ZMAT4: variants seen among roughly 807,000 people sequenced by gnomAD.
The protein encoded by ZMAT4 is zinc finger matrin-type protein 4.
Under a neutral mutation model 28.7 loss-of-function variants are expected in ZMAT4, and 17 were observed. That is an observed-to-expected ratio of 0.59 (90% CI 0.41 to 0.89). The LOEUF (loss-of-function observed/expected upper bound fraction) is 0.89, where lower values mean the gene tolerates loss of function less well. Among genes scored for constraint, ZMAT4 ranks in the 40% least tolerant of loss-of-function variants. The probability of loss-of-function intolerance (pLI) is 0.00; values close to 1 mark genes in which losing one functional copy is unlikely to be tolerated. For missense variants in ZMAT4, 240 were observed against 283.8 expected, an observed-to-expected ratio of 0.85 and a Z score of 1.11; for synonymous variants, 117 against 109.2, an observed-to-expected ratio of 1.07 and a Z score of -0.44.
At chr8:40,881,118 C>T (rs1335827986) in intron 1 of ZMAT4, among the ~76,000 whole-genome samples, 2 of 152,132 alleles carry the variant, frequency 1.3e-5, no homozygotes, top group Non-Finnish European at 2.9e-5. Flanking sequence ...TGCTGATGCA[C>T]TGTAATCTCA....
intron 6 of ZMAT4, among the ~76,000 whole-genome samples, chr8:40,575,863 A>G (rs1482841050): frequency 6.6e-6 from 1 of 152,150 alleles, no homozygotes; most frequent in Non-Finnish European, 1.5e-5. Flanking sequence ...AAAAATATTA[A>G]GGAAATTCAG....
chr8:40,788,042 A>G lies in ZMAT4; in HGVS notation c.103-20312T>C, dbSNP rs1814158884. ...GAAAACAAAAATAGAAATACAAAAGAGAAAATCAATGAAAGCAAAAGCTGG... is the reference window on the plus strand; with the variant it reads ...GAAAACAAAAATAGAAATACAAAAGGGAAAATCAATGAAAGCAAAAGCTGG... On this transcript the variant is annotated intron_variant, in intron 2 of 6. Coordinates refer to ENST00000297737, the MANE Select transcript of ZMAT4 (RefSeq NM_024645.3). 2.0e-5 allele frequency among the ~76,000 whole-genome samples: 3 copies of G among 152,188 alleles called. No individual in the cohort carries two copies. In the South Asian group the frequency reaches 6.2e-4, roughly 32 times the overall value.
intron 1 of ZMAT4, among the ~76,000 whole-genome samples, chr8:40,858,900 C>G (rs529728385): frequency 6.6e-6 from 1 of 152,216 alleles, no homozygotes; most frequent in South Asian, 2.1e-4. Context: ...AAAAGGGGAC[C>G]CTGCAGAACA....
chr8:40,808,021 A>G (rs1365173710), intron 2 of ZMAT4, among the ~76,000 whole-genome samples: 2 of 152,244 alleles, frequency 1.3e-5, no homozygotes, highest in Admixed American at 6.5e-5. Context: ...TTCTGTGCAC[A>G]GTGACACAAT....
At chr8:40,536,911 A>G (rs1044653460) in intron 6 of ZMAT4, among the ~76,000 whole-genome samples, 7 of 152,096 alleles carry the variant, frequency 4.6e-5, no homozygotes, top group African/African-American at 1.7e-4. Context: ...GGAGAAAAAA[A>G]AAAAGAGAAG....
chr8:40,714,489 A>T (rs1473300240), intron 3 of ZMAT4, among the ~76,000 whole-genome samples: 1 of 152,210 alleles, frequency 6.6e-6, no homozygotes, highest in East Asian at 1.9e-4. Context: ...AAAATATGCC[A>T]TGGAATATGG....
rs375662350 is a variant in ZMAT4, at chr8:40,678,124, G to C, written c.350-3193C>G. On this transcript the variant is annotated intron_variant, in intron 4 of 6. Coordinates refer to ENST00000297737, the MANE Select transcript of ZMAT4 (RefSeq NM_024645.3). Reference sequence around the variant, plus strand: ...ATCTAAATATTGCCACATTTTCTTTGAAAATAACTATAAAATGAAGCTTTC... The same window carrying C: ...ATCTAAATATTGCCACATTTTCTTTCAAAATAACTATAAAATGAAGCTTTC... Among the ~76,000 whole-genome samples, 4 of 152,034 alleles carry C rather than the reference G, an allele frequency of 2.6e-5. No homozygotes were observed. In the East Asian group the frequency reaches 7.7e-4, roughly 29 times the overall value.
At chr8:40,805,553 A>T (rs4434606) in intron 2 of ZMAT4, among the ~76,000 whole-genome samples, 40,141 of 94,354 alleles carry the variant, frequency 0.43, 9,447 homozygotes, top group Middle Eastern at 0.56. Flanking sequence ...TGTCCAACAA[A>T]GATAGACTGG....
intron 1 of ZMAT4, among the ~76,000 whole-genome samples, chr8:40,885,110 C>T (rs1380412295): frequency 6.6e-6 from 1 of 152,124 alleles, no homozygotes; most frequent in East Asian, 1.9e-4. Context: ...GCTTAGAGCT[C>T]GTCTCTGAAC....
At chr8:40,823,712 T>A (rs913099420) in intron 2 of ZMAT4, among the ~76,000 whole-genome samples, 1 of 91,804 alleles carries the variant, frequency 1.1e-5, no homozygotes, top group African/African-American at 4.8e-5. Flanking sequence ...CACACGTGTG[T>A]GTGTGTGCGT....
At chr8:40,653,804 G>A (rs898656257) in intron 5 of ZMAT4, among the ~76,000 whole-genome samples, 4 of 152,126 alleles carry the variant, frequency 2.6e-5, no homozygotes, top group African/African-American at 4.8e-5. Flanking sequence ...GAGTCAGACT[G>A]GATGGCTTCA....
chr8:40,799,071 C>G (rs1586070073), intron 2 of ZMAT4, among the ~76,000 whole-genome samples: 1 of 145,676 alleles, frequency 6.9e-6, no homozygotes, highest in East Asian at 2.3e-4. Flanking sequence ...GGTTGGCTGG[C>G]TGGCTGGCTG....
chr8:40,692,180 G>T (rs139265116), intron 4 of ZMAT4, among the ~76,000 whole-genome samples: 1 of 152,106 alleles, frequency 6.6e-6, no homozygotes, highest in African/African-American at 2.4e-5. Flanking sequence ...TAATAACTGT[G>T]GTCCCTGCAG....
At chr8:40,632,136 G>C (rs1806609230) in intron 5 of ZMAT4, among the ~76,000 whole-genome samples, 1 of 152,140 alleles carries the variant, frequency 6.6e-6, no homozygotes, top group Non-Finnish European at 1.5e-5. Flanking sequence ...AACAGACTGG[G>C]CTGAGAATTC....
At chr8:40,851,590 A>G (rs1031606861) in intron 1 of ZMAT4, among the ~76,000 whole-genome samples, 9 of 152,136 alleles carry the variant, frequency 5.9e-5, no homozygotes, top group African/African-American at 2.2e-4. Flanking sequence ...GCAACATTTT[A>G]TTTTTAATTT....
intron 5 of ZMAT4, among the ~76,000 whole-genome samples, chr8:40,646,933 G>C (rs1807347173): frequency 6.6e-6 from 1 of 152,130 alleles, no homozygotes; most frequent in Non-Finnish European, 1.5e-5. Flanking sequence ...CATTCTCTAG[G>C]ACAAATCATA....
At chr8:40,599,692 C>G (rs1805230780) in intron 5 of ZMAT4, among the ~76,000 whole-genome samples, 1 of 152,238 alleles carries the variant, frequency 6.6e-6, no homozygotes, top group African/African-American at 2.4e-5. Flanking sequence ...GTGTGGCTTT[C>G]TTCCCCACGG....
At chr8:40,806,343 C>A (rs1313816878) in intron 2 of ZMAT4, among the ~76,000 whole-genome samples, 1 of 152,092 alleles carries the variant, frequency 6.6e-6, no homozygotes, top group Non-Finnish European at 1.5e-5. Context: ...TTAATTAAGG[C>A]CATTAGCAAT....
chr8:40,597,712 G>A (rs1805151180), intron 5 of ZMAT4, among the ~76,000 whole-genome samples: 1 of 152,124 alleles, frequency 6.6e-6, no homozygotes, highest in Non-Finnish European at 1.5e-5. Flanking sequence ...GAGTTCAGAG[G>A]AGTGCTTGAT....
Sources: gnomAD v4.1 joint callset for allele counts (sites outside exome capture counted in the v4.1 genomes callset) on GRCh38, gnomAD v4.1.1 for gene constraint, MANE v1.5 for transcripts, NCBI Gene and HGNC (gene_info 2026-07-23, HGNC 2026-07-21) for gene names.